ROR2: variants seen among roughly 807,000 people sequenced by gnomAD.
ROR2 encodes the protein tyrosine-protein kinase transmembrane receptor ROR2.
A neutral mutation model predicts 74.9 loss-of-function variants in ROR2; 33 were observed. The observed-to-expected ratio is 0.44, with a 90% CI of 0.33 to 0.59. The LOEUF is 0.59. ROR2 is among the 20% of genes least tolerant of loss of function. The pLI, the probability that ROR2 is intolerant of heterozygous loss-of-function variation, is 0.02. For synonymous variants in ROR2, 586 were observed against 558.7 expected, an observed-to-expected ratio of 1.05 and a Z score of -0.69; for missense variants, 1,216 against 1,313.8, an observed-to-expected ratio of 0.93 and a Z score of 1.15.
chr9:91,815,333 G>A (rs1217163877), intron 1 of ROR2, among the ~76,000 whole-genome samples: 1 of 152,168 alleles, frequency 6.6e-6, no homozygotes, highest in Non-Finnish European at 1.5e-5. Flanking sequence ...TTATTACAGA[G>A]CGGTATAGCT....
At chr9:91,860,139 C>T (rs916581399) in intron 1 of ROR2, among the ~76,000 whole-genome samples, 1 of 152,186 alleles carries the variant, frequency 6.6e-6, no homozygotes. Flanking sequence ...CCAGGCCCTT[C>T]CCATCAGGCA....
At chr9:91,743,689 T>G (rs1317875869) in intron 4 of ROR2, among the ~76,000 whole-genome samples, 1 of 152,120 alleles carries the variant, frequency 6.6e-6, no homozygotes, top group African/African-American at 2.4e-5. Context: ...AACGTCCTCC[T>G]CAAAACATTA....
chr9:91,793,946 G>A (rs756141629), intron 1 of ROR2, among the ~76,000 whole-genome samples: 6 of 152,192 alleles, frequency 3.9e-5, no homozygotes, highest in Non-Finnish European at 4.4e-5. Flanking sequence ...TGGTGTGAAC[G>A]ATGCCTCAAA....
intron 1 of ROR2, among the ~76,000 whole-genome samples, chr9:91,862,195 T>C (rs950096947): frequency 1.1e-4 from 16 of 151,642 alleles, no homozygotes; most frequent in South Asian, 2.1e-4. Flanking sequence ...CCGGGTGTGG[T>C]GGTGGGCGCC....
chr9:91,868,743 T>A (rs1381983149), intron 1 of ROR2, among the ~76,000 whole-genome samples: 2 of 152,108 alleles, frequency 1.3e-5, no homozygotes, highest in Non-Finnish European at 2.9e-5. Context: ...GGGATGAAGG[T>A]GACATTCTCA....
intron 1 of ROR2, among the ~76,000 whole-genome samples, chr9:91,852,639 ACACACACACACC>A (rs981066459): frequency 2.0e-5 from 3 of 151,382 alleles, no homozygotes; most frequent in African/African-American, 7.3e-5. Flanking sequence ...ACACACACAC[ACACACACACACC>A]CACACACACA....
At chr9:91,874,385 C>G (rs1829897756) in intron 1 of ROR2, among the ~76,000 whole-genome samples, 1 of 152,102 alleles carries the variant, frequency 6.6e-6, no homozygotes, top group African/African-American at 2.4e-5. Context: ...TGCACTTATT[C>G]TACTCATTAA....
intron 1 of ROR2, among the ~76,000 whole-genome samples, chr9:91,895,951 C>T (rs1830528584): frequency 6.6e-6 from 1 of 152,120 alleles, no homozygotes; most frequent in Non-Finnish European, 1.5e-5. Context: ...TCCATGTCAC[C>T]CGCGTGCCAG....
chr9:91,818,306 A>T (rs1297966975), intron 1 of ROR2, among the ~76,000 whole-genome samples: 1 of 152,242 alleles, frequency 6.6e-6, no homozygotes, highest in African/African-American at 2.4e-5. Context: ...AATGTCTTTC[A>T]TTCAGGGAGG....
chr9:91,880,713 C>T (rs1161899889), intron 1 of ROR2, among the ~76,000 whole-genome samples: 1 of 152,248 alleles, frequency 6.6e-6, no homozygotes, highest in Non-Finnish European at 1.5e-5. Context: ...TGCCCATATA[C>T]AAAGCCTGAT....
At chr9:91,804,588 AT>A (rs1827492246) in intron 1 of ROR2, among the ~76,000 whole-genome samples, 1 of 152,232 alleles carries the variant, frequency 6.6e-6, no homozygotes, top group African/African-American at 2.4e-5. Context: ...GCAGAGCGTC[AT>A]GCGGCCTGTA....
At chr9:91,925,765 CT>C (rs1403171281) in intron 1 of ROR2, among the ~76,000 whole-genome samples, 1 of 152,218 alleles carries the variant, frequency 6.6e-6, no homozygotes, top group Non-Finnish European at 1.5e-5. Flanking sequence ...TCACTCTACC[CT>C]TTCATTGCAC....
intron 1 of ROR2, among the ~76,000 whole-genome samples, chr9:91,896,848 A>G (rs546822501): frequency 3.9e-4 from 59 of 152,262 alleles, no homozygotes; most frequent in Non-Finnish European, 6.3e-4. Context: ...TTCTTTTCCA[A>G]CACTGGGCTC....
chr9:91,902,337 A>T (rs752118790), intron 1 of ROR2, among the ~76,000 whole-genome samples: 4 of 152,170 alleles, frequency 2.6e-5, no homozygotes, highest in Non-Finnish European at 4.4e-5. Flanking sequence ...CTTCGCTGTC[A>T]GGGTCTTTTC....
chr9:91,871,635 T>C (rs192223252), intron 1 of ROR2, among the ~76,000 whole-genome samples: 32 of 152,008 alleles, frequency 2.1e-4, no homozygotes, highest in Admixed American at 1.5e-3. Context: ...TGAATCAGAG[T>C]GGGCCCTGTG....
At chr9:91,782,691 T>G (rs927933322) in intron 1 of ROR2, among the ~76,000 whole-genome samples, 1 of 151,702 alleles carries the variant, frequency 6.6e-6, no homozygotes, top group Admixed American at 6.6e-5. Context: ...TAGACAAGCT[T>G]GCTTTAAGTT....
chr9:91,812,898 C>G (rs1352282652), intron 1 of ROR2, among the ~76,000 whole-genome samples: 1 of 152,164 alleles, frequency 6.6e-6, no homozygotes, highest in Non-Finnish European at 1.5e-5. Context: ...AGGCTCTCTA[C>G]CTGGAGCCAA....
In ROR2 at chr9:91,733,218, G is replaced by T; in HGVS notation, c.841C>A (p.Leu281Ile). The change falls in exon 6 of 9, where the codon CTT becomes ATT. Residue 281 changes from leucine (L) to isoleucine (I), a missense_variant. Physicochemically the swap from Leu to Ile is conservative, Grantham distance 5. Transcript: ENST00000375708. The surrounding 1 kb of genome is among the most constrained non-coding windows in gnomAD (Gnocchi z 5.7). ...AGCGCCTCACACTTGGGCAGCTGAA[G>T]CCGCATGAGGATGAGCGGGTTGGAG... ...ARSNPLILMR[L>I]QLPKCEALPM... The T allele has an allele frequency of 6.2e-7, 1 of 1,612,378 alleles. No homozygotes were observed. Among genetic ancestry groups the T allele is most frequent in the Non-Finnish European group, 8.5e-7 (1 of 1,179,606 alleles).
intron 4 of ROR2, among the ~76,000 whole-genome samples, chr9:91,745,426 A>ATTTTTTTT (rs72432798): frequency 3.0e-5 from 3 of 99,760 alleles, no homozygotes; most frequent in African/African-American, 8.5e-5. Flanking sequence ...TGCCCAGCCT[A>ATTTTTTTT]TTTTTTTTTT....
Sources: allele counts gnomAD v4.1 joint callset (sites outside exome capture counted in the v4.1 genomes callset), GRCh38; gene constraint gnomAD v4.1.1; non-coding constraint Gnocchi (gnomAD v3.1); transcripts MANE v1.5; gene names NCBI Gene and HGNC (gene_info 2026-07-23, HGNC 2026-07-21).